The following PIK3C3 variants were observed in gnomAD, a reference collection of about 807,000 sequenced individuals.
PIK3C3 encodes the protein PI3-kinase type 3.
In PIK3C3, 95 loss-of-function variants were observed where a neutral mutation model predicts 126.1. That is an observed-to-expected ratio of 0.75 (90% CI 0.64 to 0.89). The LOEUF (loss-of-function observed/expected upper bound fraction) is 0.89, where lower values mean the gene tolerates loss of function less well. PIK3C3 is among the 40% of genes least tolerant of loss of function. The pLI, the probability that PIK3C3 is intolerant of heterozygous loss-of-function variation, is 0.00. For missense variants in PIK3C3, 829 were observed against 1,063.2 expected (o/e 0.78, Z 3.06); for synonymous variants, 374 against 360.0 (o/e 1.04, Z -0.44).
At chr18:42,005,427 G>T (rs1982497578) in intron 10 of PIK3C3, among the ~76,000 whole-genome samples, 1 of 152,182 alleles carries the variant, frequency 6.6e-6, no homozygotes, top group Non-Finnish European at 1.5e-5. Flanking sequence ...TGTGGCACAT[G>T]ACTGTTCATG....
At chr18:41,969,249 A>G (rs1000224031) in intron 3 of PIK3C3, among the ~76,000 whole-genome samples, 3 of 151,992 alleles carry the variant, frequency 2.0e-5, no homozygotes, top group Non-Finnish European at 2.9e-5. Context: ...TATTTCTAAG[A>G]GTAAGAAATA....
chr18:42,007,022 C>T (rs546241224), intron 10 of PIK3C3, among the ~76,000 whole-genome samples: 2 of 152,018 alleles, frequency 1.3e-5, no homozygotes, highest in South Asian at 4.1e-4. Context: ...CGCCACCACC[C>T]CTGGATACTT....
intron 15 of PIK3C3, among the ~76,000 whole-genome samples, chr18:42,029,872 T>C (rs959316255): frequency 6.6e-6 from 1 of 152,088 alleles, no homozygotes; most frequent in Non-Finnish European, 1.5e-5. Flanking sequence ...CATGAAATTA[T>C]AGTAATAGGA....
At chr18:42,071,581 G>A (rs1035332377) in intron 24 of PIK3C3, among the ~76,000 whole-genome samples, 1 of 151,888 alleles carries the variant, frequency 6.6e-6, no homozygotes, top group Admixed American at 6.6e-5. Flanking sequence ...TTAGCCAGAC[G>A]TGGTGGCGGG....
chr18:41,990,972 G>T (rs1030252957), intron 6 of PIK3C3, among the ~76,000 whole-genome samples: 4 of 152,070 alleles, frequency 2.6e-5, no homozygotes, highest in Non-Finnish European at 4.4e-5. Flanking sequence ...TCTATATGTG[G>T]CCCTCACTGA....
At chr18:41,997,204 G>A (rs761853048) in intron 9 of PIK3C3, among the ~76,000 whole-genome samples, 3 of 152,048 alleles carry the variant, frequency 2.0e-5, no homozygotes, top group East Asian at 1.9e-4. Context: ...TTATAATAAC[G>A]AAACTACAGA....
chr18:42,031,939 G>T (rs1282076270), intron 15 of PIK3C3, among the ~76,000 whole-genome samples: 2 of 152,280 alleles, frequency 1.3e-5, no homozygotes, highest in Non-Finnish European at 2.9e-5. Flanking sequence ...TATTCTCGTT[G>T]AAGAGAGTAA....
Position 41,961,936 on chromosome 18 carries a change from A to G in PIK3C3, c.258-553A>G, listed in dbSNP as rs150083429. 2.0e-5 allele frequency among the ~76,000 whole-genome samples: 3 copies of G among 152,312 alleles called. No individual in the cohort carries two copies. In the East Asian group the frequency reaches 5.8e-4, roughly 29 times the overall value. On this transcript the variant is annotated intron_variant, in intron 2 of 24. Transcript: ENST00000262039. ...CTAATAGCTTAATGTTATCAGTATTAATGAAATCATTTGAGGAACAGAAAA... is the reference window on the plus strand; with the variant it reads ...CTAATAGCTTAATGTTATCAGTATTGATGAAATCATTTGAGGAACAGAAAA...
At chr18:41,983,422 A>G (rs1458806006) in intron 4 of PIK3C3, among the ~76,000 whole-genome samples, 1 of 151,930 alleles carries the variant, frequency 6.6e-6, no homozygotes, top group African/African-American at 2.4e-5. Flanking sequence ...TGAAGCCCCA[A>G]AGCTCTTTGG....
In PIK3C3 at chr18:41,990,541, T is replaced by C; in HGVS notation, c.701T>C (p.Val234Ala). 1 of 1,560,424 alleles carries C rather than the reference T, an allele frequency of 6.4e-7. No individual in the cohort carries two copies. The highest frequency in any genetic ancestry group is 8.8e-7 in the Non-Finnish European group (1 of 1,132,036). ...TGTGATGATAAGGAATATGGTATTG[T>C]TTATTATGAAAAGGTATTTCCCTTG... ...VKCDDKEYGI[V>A]YYEKDGDESS... The change falls in exon 6 of 25, where the codon GTT (valine) becomes GCT (alanine). Residue 234 changes from valine to alanine, a missense_variant. Val to Ala is a moderately conservative substitution (Grantham distance 64). Around this residue, in one of 4 missense-constraint regions of PIK3C3, gnomAD observed 313 missense variants for 340.7 expected, o/e 0.92. Transcript: ENST00000262039.
intron 15 of PIK3C3, among the ~76,000 whole-genome samples, chr18:42,033,000 C>A (rs1260958921): frequency 6.6e-6 from 1 of 152,178 alleles, no homozygotes; most frequent in African/African-American, 2.4e-5. Flanking sequence ...AGCACTTCAA[C>A]TTCCCAGTAG....
intron 12 of PIK3C3, among the ~76,000 whole-genome samples, chr18:42,015,798 A>G (rs1983047624): frequency 6.6e-6 from 1 of 152,188 alleles, no homozygotes; most frequent in Non-Finnish European, 1.5e-5. Flanking sequence ...TTCATATGCA[A>G]TATGAAAATA....
At chr18:42,036,635 ATTTT>A (rs139934356) in intron 16 of PIK3C3, among the ~76,000 whole-genome samples, 1 of 148,478 alleles carries the variant, frequency 6.7e-6, no homozygotes, top group African/African-American at 2.5e-5. Flanking sequence ...TAATTTCTTT[ATTTT>A]TTTTTTGTTG....
At chr18:41,990,864 A>G (rs1981741186) in intron 6 of PIK3C3, among the ~76,000 whole-genome samples, 1 of 152,160 alleles carries the variant, frequency 6.6e-6, no homozygotes, top group African/African-American at 2.4e-5. Context: ...TACTAATATT[A>G]TTTATTTAAA....
At chr18:42,078,323 G>A (rs1986106543) in intron 24 of PIK3C3, among the ~76,000 whole-genome samples, 1 of 147,270 alleles carries the variant, frequency 6.8e-6, no homozygotes, top group South Asian at 2.2e-4. Flanking sequence ...CTTGCAGTGA[G>A]CCGAGATTGC....
rs1986361531 is a variant in PIK3C3, at chr18:42,084,706, T to C, written c.*3569T>C. Reference sequence around the variant, plus strand: ...CCCTGCATCCGATAAGTGGCTGCACTAGACCACAGGAACCAGACTCCACTG... The same window carrying C: ...CCCTGCATCCGATAAGTGGCTGCACCAGACCACAGGAACCAGACTCCACTG... On this transcript the variant is annotated 3_prime_UTR_variant, in exon 25 of 25. Coordinates refer to ENST00000262039, the MANE Select transcript of PIK3C3 (RefSeq NM_002647.4). The C allele has an allele frequency of 1.3e-5, 2 of 151,432 alleles. No individual in the cohort carries two copies. The highest frequency in any genetic ancestry group is 1.3e-4 in the Admixed American group (2 of 15,178). 9.4% of individuals were successfully genotyped at this position (151,432 alleles called of 1,614,324 possible).
chr18:42,076,388 G>GA (rs1429761407), intron 24 of PIK3C3, among the ~76,000 whole-genome samples: 6 of 151,336 alleles, frequency 4.0e-5, no homozygotes, highest in African/African-American at 1.2e-4. Flanking sequence ...ACCCATCAAA[G>GA]AAAAAAACGT....
intron 6 of PIK3C3, among the ~76,000 whole-genome samples, chr18:41,991,089 G>A (rs1981753542): frequency 6.6e-6 from 1 of 152,032 alleles, no homozygotes; most frequent in Non-Finnish European, 1.5e-5. Flanking sequence ...TTATAGATTT[G>A]CTTTGTTCTG....
At chr18:42,077,675 C>T (rs1400398090) in intron 24 of PIK3C3, among the ~76,000 whole-genome samples, 4 of 152,216 alleles carry the variant, frequency 2.6e-5, no homozygotes, top group African/African-American at 9.6e-5. Flanking sequence ...CTACTGAACT[C>T]TTGAACCCCT....
Sources: allele counts gnomAD v4.1 joint callset (sites outside exome capture counted in the v4.1 genomes callset), GRCh38; gene constraint gnomAD v4.1.1; regional missense constraint gnomAD v4.1.1; transcripts MANE v1.5; gene names NCBI Gene and HGNC (gene_info 2026-07-23, HGNC 2026-07-21).